The following ZNF646 variants were observed in gnomAD, a reference collection of about 807,000 sequenced individuals.
ZNF646 encodes the protein zinc finger protein 646.
A neutral mutation model predicts 115.4 loss-of-function variants in ZNF646; 49 were observed. That is an observed-to-expected ratio of 0.42 (90% CI 0.34 to 0.54). The LOEUF is 0.54. ZNF646 is among the 20% of genes least tolerant of loss of function. The pLI is 0.04. For missense variants in ZNF646, 2,269 were observed against 2,457.9 expected, an observed-to-expected ratio of 0.92 and a Z score of 1.62; for synonymous variants, 933 against 939.0, an observed-to-expected ratio of 0.99 and a Z score of 0.12.
Position 31,080,825 on chromosome 16 carries a change from G to C in ZNF646, c.4501G>C (p.Gly1501Arg). 6.2e-7 allele frequency: 1 copy of C among 1,614,120 alleles called. No homozygotes were observed. Residue 1501 changes from glycine (G) to arginine (R), a missense_variant, in exon 2 of 3, where the codon GGT becomes CGT. Around this residue, in one of 5 missense-constraint regions of ZNF646, gnomAD observed 1,062 missense variants for 1,172.8 expected, o/e 0.91. Transcript: ENST00000300850. ...TGTCCACAGGAGTCCTTGCCACGCT[G>C]GTGACTGCCAGCTCAATGGACCTAC... ...DSVHRSPCHA[G>R]DCQLNGPTLS...
chr16:31,083,144 G>C lies in ZNF646; in HGVS notation c.*52G>C, dbSNP rs768607922. The C allele has an allele frequency of 4.5e-6, 7 of 1,565,156 alleles. No individual in the cohort carries two copies. Among genetic ancestry groups the C allele is most frequent in the Non-Finnish European group, 1.7e-6 (2 of 1,161,010 alleles). ...TGGGGGAGGGAGCGCGTGCAGGGAGGGGCTTGATCTCCACATTTTCTCAGG... is the reference window on the plus strand; with the variant it reads ...TGGGGGAGGGAGCGCGTGCAGGGAGCGGCTTGATCTCCACATTTTCTCAGG... On this transcript the variant is annotated 3_prime_UTR_variant, in exon 3 of 3. Coordinates refer to ENST00000300850, the MANE Select transcript of ZNF646 (RefSeq NM_014699.4).
rs2057137840 is a variant in ZNF646, at chr16:31,080,272, C to T, written c.3948C>T (p.Asn1316=). 2 of 1,612,626 alleles carry T rather than the reference C, an allele frequency of 1.2e-6. No homozygotes were observed. ...RTYRHAGSLL[N]HRRSHETGQY... ...ATCGCCACGCCGGCAGCCTCCTGAA[C>T]CACCGGCGCAGCCACGAGACGGGCC... The change falls in exon 2 of 3, where the codon AAC becomes AAT. Residue 1316 remains asparagine (N), a synonymous_variant. Transcript: ENST00000300850.
At chr16:31,073,243 G>A (rs570133985), upstream of ZNF646, 1 of 152,550 alleles carries the variant, frequency 6.6e-6, no homozygotes, top group South Asian at 2.1e-4. Context: ...AAGGCCGAAT[G>A]AGGGACAAAG....
chr16:31,083,853 C>G lies in ZNF646; in HGVS notation c.*761C>G. Reference sequence around the variant, plus strand: ...GGTGGAGTTGTCCTCATCCTCACGGCTTTGGTCCCTCCCTCCCTCCCCATT... The same window carrying G: ...GGTGGAGTTGTCCTCATCCTCACGGGTTTGGTCCCTCCCTCCCTCCCCATT... On this transcript the variant is annotated 3_prime_UTR_variant, in exon 3 of 3. Transcript: ENST00000300850. The G allele has an allele frequency of 6.2e-7, 1 of 1,613,112 alleles. No homozygotes were observed.
In ZNF646 at chr16:31,079,446, G is replaced by A; in HGVS notation, c.3122G>A (p.Gly1041Glu). The A allele has an allele frequency of 6.2e-7, 1 of 1,613,846 alleles. No individual in the cohort carries two copies. Among genetic ancestry groups the A allele is most frequent in the Non-Finnish European group, 8.5e-7 (1 of 1,179,972 alleles). ...PLGDSLCIQG[G>E]ESLLEAQPRP... ...GGAGACAGCCTCTGCATCCAGGGTGGGGAAAGTTTGTTGGAGGCTCAGCCC... is the reference window on the plus strand; with the variant it reads ...GGAGACAGCCTCTGCATCCAGGGTGAGGAAAGTTTGTTGGAGGCTCAGCCC... The change falls in exon 2 of 3, where the codon GGG becomes GAG. Residue 1041 changes from glycine (G) to glutamate (E), a missense_variant. Around this residue, in one of 5 missense-constraint regions of ZNF646, gnomAD observed 1,062 missense variants for 1,172.8 expected, o/e 0.91. Transcript: ENST00000300850. The surrounding 1 kb of genome is among the most constrained non-coding windows in gnomAD (Gnocchi z 5.5).
rs762683539 is a variant in ZNF646 at position 31,078,537 on chromosome 16, A to C, written c.2213A>C (p.Lys738Thr). ...DCLQAESEGDKCGLERDETHF... is the reference protein window; with the variant it reads ...DCLQAESEGDTCGLERDETHF... ...TTGCAGGCTGAATCTGAAGGGGACA[A>C]ATGTGGGCTTGAGAGGGATGAGACC... Residue 738 changes from lysine (K) to threonine (T), a missense_variant, in exon 2 of 3, where the codon AAA becomes ACA. Lys to Thr is a moderately conservative substitution (Grantham distance 78, BLOSUM62 -1). Transcript: ENST00000300850. The C allele has an allele frequency of 6.3e-7, 1 of 1,599,908 alleles. No homozygotes were observed. The highest frequency in any genetic ancestry group is 8.5e-7 in the Non-Finnish European group (1 of 1,170,632).
chr16:31,078,781 C>T lies in ZNF646; in HGVS notation c.2457C>T (p.Ala819=), dbSNP rs201874640. ...ANAVTGWQAG[A]AHTCSDCGHS... is the part of the protein sequence containing the mutation. ...CTGTCACTGGCTGGCAGGCTGGGGC[C>T]GCTCACACATGCTCTGACTGTGGGC... The change falls in exon 2 of 3, where the codon GCC becomes GCT. Residue 819 remains alanine (A), a synonymous_variant. Coordinates refer to ENST00000300850, the MANE Select transcript of ZNF646 (RefSeq NM_014699.4). 25 of 1,613,792 alleles carry T rather than the reference C, an allele frequency of 1.5e-5. No individual in the cohort carries two copies. Among genetic ancestry groups the T allele is most frequent in the African/African-American group, 6.7e-5 (5 of 75,052 alleles).
In ZNF646 at chr16:31,077,725, C is replaced by T. The variant is rs2057096090; in HGVS notation, c.1401C>T (p.Cys467=). ...CCCTGGACCATCGGCCCTATAAGTG[C>T]AGTGAGTGTGGTCGTGCTTACCGCC... ...TTTLDHRPYK[C]SECGRAYRHR... The change falls in exon 2 of 3, where the codon TGC becomes TGT. Residue 467 remains cysteine (C), a synonymous_variant. Coordinates refer to ENST00000300850, the MANE Select transcript of ZNF646 (RefSeq NM_014699.4). 4 of 1,614,086 alleles carry T rather than the reference C, an allele frequency of 2.5e-6. No homozygotes were observed. In the South Asian group the frequency reaches 4.4e-5, roughly 18 times the overall value.
In ZNF646 at chr16:31,081,238, A is replaced by G; in HGVS notation, c.4914A>G (p.Gln1638=). The change falls in exon 2 of 3, where the codon CAA becomes CAG. Residue 1638 remains glutamine (Q), a synonymous_variant. Coordinates refer to ENST00000300850, the MANE Select transcript of ZNF646 (RefSeq NM_014699.4). Reference sequence around the variant, plus strand: ...AGGACCAGGTGGTTCTCCCTGGTCAAGGGAAAGCCCAGGAGGCCCCATCAG... The same window carrying G: ...AGGACCAGGTGGTTCTCCCTGGTCAGGGGAAAGCCCAGGAGGCCCCATCAG... ...TGEDQVVLPG[Q]GKAQEAPSET... is the part of the protein sequence containing the mutation. 4 of 1,594,640 alleles carry G rather than the reference A, an allele frequency of 2.5e-6. No homozygotes were observed. Among genetic ancestry groups the G allele is most frequent in the Non-Finnish European group, 3.4e-6 (4 of 1,169,102 alleles).
In ZNF646 at chr16:31,079,189, G is replaced by C; in HGVS notation, c.2865G>C (p.Gly955=). The C allele has an allele frequency of 6.2e-7, 1 of 1,613,574 alleles. No homozygotes were observed. Residue 955 remains glycine, a synonymous_variant, in exon 2 of 3, where the codon GGG becomes GGC. Coordinates refer to ENST00000300850, the MANE Select transcript of ZNF646 (RefSeq NM_014699.4). The surrounding 1 kb of genome is among the most constrained non-coding windows in gnomAD (Gnocchi z 5.5). ...AGGTGGAAGCGCTGGACAGTGCAGG[G>C]TATGGGCACATCTGTGGCTGCTGTG... is the stretch of plus-strand genomic sequence containing the variant. The part of the protein sequence containing the change: ...QREVEALDSA[G]YGHICGCCGQ...
Position 31,083,412 on chromosome 16 carries a change from A to G in ZNF646, c.*320A>G. ...TGCCTGTGGAAGGGAGCCTTTTGCTACAATTTGTAACTTATTTTCTAAAGT... is the reference window on the plus strand; with the variant it reads ...TGCCTGTGGAAGGGAGCCTTTTGCTGCAATTTGTAACTTATTTTCTAAAGT... On this transcript the variant is annotated 3_prime_UTR_variant, in exon 3 of 3. Transcript: ENST00000300850. The G allele has an allele frequency of 3.2e-6, 4 of 1,265,752 alleles. No homozygotes were observed. The highest frequency in any genetic ancestry group is 2.1e-5 in the South Asian group (1 of 47,358). 78.4% of individuals were successfully genotyped at this position (1,265,752 alleles called of 1,614,324 possible). A position where few individuals can be genotyped will look rare whatever the true frequency, so the allele number is the denominator to read the frequency against.
At position 31,083,655 on chromosome 16, in the gene ZNF646, T is replaced by C; in HGVS notation, c.*563T>C. On this transcript the variant is annotated 3_prime_UTR_variant, in exon 3 of 3. Transcript: ENST00000300850. The stretch of plus-strand genomic sequence containing the variant: ...GTGGGCACCTGTGGCCCCAGGCAGG[T>C]TCCTTCCCACAGCTGCTGGGCTTCT... 5.2e-6 allele frequency: 8 copies of C among 1,546,000 alleles called. No homozygotes were observed. The highest frequency in any genetic ancestry group is 7.0e-6 in the Non-Finnish European group (8 of 1,144,856).
chr16:31,076,771 CTG>C lies in ZNF646; in HGVS notation c.450_451del (p.Cys150Ter). The C allele has an allele frequency of 6.2e-7, 1 of 1,613,954 alleles. No individual in the cohort carries two copies. Among genetic ancestry groups the C allele is most frequent in the Admixed American group, 1.7e-5 (1 of 60,028 alleles). On this transcript the variant is annotated frameshift_variant, in exon 2 of 3. Transcript: ENST00000300850. LOFTEE classifies it high-confidence loss of function. ...CAAAACATACAGAAGAGACACCTGACTGTGAATCTGTACCTGACCCCAGGGCA... is the reference window on the plus strand; with the variant it reads ...CAAAACATACAGAAGAGACACCTGACTGAATCTGTACCTGACCCCAGGGCA... ...QTKHTEETPD[C>X]ESVPDPRAAS...
rs766503695 is a variant in ZNF646, at chr16:31,080,944, C to A, written c.4620C>A (p.Tyr1540Ter). Residue 1540 changes from tyrosine to a stop codon, truncating the protein, a stop_gained, in exon 2 of 3, where the codon TAC becomes TAA. Transcript: ENST00000300850. LOFTEE classifies it high-confidence loss of function. ...HSSCSQCGKTYCQSGSLLNHN... is the reference protein window; with the variant it reads ...HSSCSQCGKT ...CTTGCAGCCAGTGTGGCAAGACTTA[C>A]TGCCAGTCAGGCAGCCTCTTGAACC... is the stretch of plus-strand genomic sequence containing the variant. 6.2e-7 allele frequency: 1 copy of A among 1,614,162 alleles called. No individual in the cohort carries two copies. Among genetic ancestry groups the A allele is most frequent in the South Asian group, 1.1e-5 (1 of 91,086 alleles).
chr16:31,078,531 G>T lies in ZNF646; in HGVS notation c.2207G>T (p.Gly736Val). 2 of 1,597,070 alleles carry T rather than the reference G, an allele frequency of 1.3e-6. No individual in the cohort carries two copies. Among genetic ancestry groups the T allele is most frequent in the Admixed American group, 1.7e-5 (1 of 59,226 alleles). Residue 736 changes from glycine to valine, a missense_variant, in exon 2 of 3, where the codon GGG becomes GTG. Gly to Val is a moderately radical substitution (Grantham distance 109, BLOSUM62 -3). Coordinates refer to ENST00000300850, the MANE Select transcript of ZNF646 (RefSeq NM_014699.4). ...DGDCLQAESEGDKCGLERDET... is the reference protein window; with the variant it reads ...DGDCLQAESEVDKCGLERDET... ...GACTGTTTGCAGGCTGAATCTGAAGGGGACAAATGTGGGCTTGAGAGGGAT... is the reference window on the plus strand; with the variant it reads ...GACTGTTTGCAGGCTGAATCTGAAGTGGACAAATGTGGGCTTGAGAGGGAT...
chr16:31,083,540 G>A lies in ZNF646; in HGVS notation c.*448G>A, dbSNP rs45599534. 0.21 allele frequency: 299,326 copies of A among 1,423,322 alleles called. 34,489 individuals are homozygous for A. The highest frequency in any genetic ancestry group is 0.24 in the Non-Finnish European group (256,865 of 1,084,614). 88.2% of individuals were successfully genotyped at this position (1,423,322 alleles called of 1,614,324 possible). On this transcript the variant is annotated 3_prime_UTR_variant, in exon 3 of 3. Transcript: ENST00000300850. ...TGGCTGGCGTGATTGTATCTGAAAG[G>A]GTAAAGGAGGAGGAAAGCTGAGACG... is the stretch of plus-strand genomic sequence containing the variant.
Position 31,079,710 on chromosome 16 carries a change from CAGA to C in ZNF646, c.3389_3391del (p.Glu1130del), listed in dbSNP as rs753480474. 6.8e-6 allele frequency: 11 copies of C among 1,613,606 alleles called. No homozygotes were observed. Among genetic ancestry groups the C allele is most frequent in the South Asian group, 1.1e-5 (1 of 91,068 alleles). ...AGTGAGCTGCAGGTTGGGCCCATCC[CAGA>C]AGGAGGCAGCAACAAGCCCCAGCAC... On this transcript the variant is annotated inframe_deletion, in exon 2 of 3. Transcript: ENST00000300850. The surrounding 1 kb of genome is among the most constrained non-coding windows in gnomAD (Gnocchi z 5.5).
chr16:31,082,757 G>A, intron 2 of ZNF646: 1 of 590,288 alleles, frequency 1.7e-6, no homozygotes, highest in South Asian at 2.5e-5. Flanking sequence ...CTGAAGGAAT[G>A]GCTTTAAGGA....
rs766503695 is a variant in ZNF646, at chr16:31,080,944, C to T, written c.4620C>T (p.Tyr1540=). 14 of 1,614,044 alleles carry T rather than the reference C, an allele frequency of 8.7e-6. No homozygotes were observed. The highest frequency in any genetic ancestry group is 1.7e-5 in the Admixed American group (1 of 60,014). The change falls in exon 2 of 3, where the codon TAC becomes TAT. Residue 1540 remains tyrosine, a synonymous_variant. Transcript: ENST00000300850. The part of the protein sequence containing the change: ...HSSCSQCGKT[Y]CQSGSLLNHN... The stretch of plus-strand genomic sequence containing the variant: ...CTTGCAGCCAGTGTGGCAAGACTTA[C>T]TGCCAGTCAGGCAGCCTCTTGAACC...
Sources: allele counts gnomAD v4.1 joint callset, GRCh38; gene constraint gnomAD v4.1.1; regional missense constraint gnomAD v4.1.1; non-coding constraint Gnocchi (gnomAD v3.1); transcripts MANE v1.5; gene names NCBI Gene and HGNC (gene_info 2026-07-23, HGNC 2026-07-21).